VTI1A: variants seen among roughly 807,000 people sequenced by gnomAD.
VTI1A encodes the protein vesicle transport through interaction with t-SNAREs 1A.
In VTI1A, 22 loss-of-function variants were observed where a neutral mutation model predicts 34.9. The ratio of observed to expected loss-of-function variants is 0.63; its 90% CI spans 0.45 to 0.90. The LOEUF (loss-of-function observed/expected upper bound fraction) is 0.90. VTI1A is among the 40% of genes least tolerant of loss of function. The probability of loss-of-function intolerance (pLI) is 0.00; values close to 1 mark genes in which losing one functional copy is unlikely to be tolerated. For missense variants in VTI1A, 268 were observed against 275.6 expected (o/e 0.97, Z 0.20); for synonymous variants, 87 against 97.3 (o/e 0.89, Z 0.62).
Position 112,454,679 on chromosome 10 carries a change from G to C in VTI1A, c.95-5845G>C, listed in dbSNP as rs1302626247. On this transcript the variant is annotated intron_variant, in intron 1 of 7. Transcript: ENST00000393077. ...ATACATACTATGCTAAGACTTATGT[G>C]TATGTACATCAGCACTTATCAAGCT... 2.0e-5 allele frequency among the ~76,000 whole-genome samples: 3 copies of C among 149,020 alleles called. No homozygotes were observed. In the Admixed American group the frequency reaches 2.0e-4, roughly 10 times the overall value.
intron 7 of VTI1A, chr10:112,752,460 A>G (rs537264751): frequency 2.0e-6 from 2 of 985,366 alleles, no homozygotes; most frequent in East Asian, 1.1e-4. Flanking sequence ...TAGCTTGGAG[A>G]TTTCACCCAC....
At chr10:112,694,409 G>A (rs1186169129) in intron 7 of VTI1A, among the ~76,000 whole-genome samples, 1 of 151,860 alleles carries the variant, frequency 6.6e-6, no homozygotes, top group Admixed American at 6.6e-5. Flanking sequence ...TGGATGGACG[G>A]ACGGACAGAC....
intron 7 of VTI1A, among the ~76,000 whole-genome samples, chr10:112,789,826 A>G (rs1590186420): frequency 6.6e-6 from 1 of 151,962 alleles, no homozygotes. Flanking sequence ...ATTTTCTTCA[A>G]TTCTTTGAAC....
At chr10:112,587,838 C>G (rs989481615) in intron 5 of VTI1A, among the ~76,000 whole-genome samples, 2 of 152,040 alleles carry the variant, frequency 1.3e-5, no homozygotes, top group African/African-American at 2.4e-5. Context: ...CTCCCTCCCT[C>G]CAAATTCCTG....
At chr10:112,791,115 C>G (rs1313320932) in intron 7 of VTI1A, among the ~76,000 whole-genome samples, 1 of 152,216 alleles carries the variant, frequency 6.6e-6, no homozygotes, top group Non-Finnish European at 1.5e-5. Flanking sequence ...CCAGGCAGCT[C>G]TTGGCCCATT....
intron 5 of VTI1A, among the ~76,000 whole-genome samples, chr10:112,652,352 T>C (rs1325615085): frequency 1.3e-5 from 2 of 152,158 alleles, no homozygotes; most frequent in East Asian, 3.9e-4. Context: ...TCAGTGAGTA[T>C]GCAGTTGCTG....
intron 7 of VTI1A, among the ~76,000 whole-genome samples, chr10:112,739,404 A>G (rs767535930): frequency 2.6e-5 from 4 of 152,152 alleles, no homozygotes; most frequent in Non-Finnish European, 5.9e-5. Flanking sequence ...TGCATGTCCC[A>G]CATGCTAATG....
intron 4 of VTI1A, among the ~76,000 whole-genome samples, chr10:112,530,580 T>G (rs1441093889): frequency 2.0e-5 from 3 of 152,174 alleles, no homozygotes. Flanking sequence ...TCAGTGACTT[T>G]TAATAAATCC....
intron 7 of VTI1A, among the ~76,000 whole-genome samples, chr10:112,785,139 C>T (rs1023754465): frequency 2.0e-5 from 3 of 152,240 alleles, no homozygotes; most frequent in Non-Finnish European, 2.9e-5. Context: ...TTTTCCCACA[C>T]ATGCCAGTGG....
the VTI1A span, among the ~76,000 whole-genome samples, chr10:112,844,979 G>A: frequency 6.6e-6 from 1 of 152,192 alleles, no homozygotes; most frequent in South Asian, 2.1e-4. Flanking sequence ...GAACCCTTCT[G>A]TTCCTCTTCC....
chr10:112,699,893 G>A (rs574302042), intron 7 of VTI1A, among the ~76,000 whole-genome samples: 57 of 151,984 alleles, frequency 3.8e-4, no homozygotes, highest in African/African-American at 1.2e-3. Context: ...GGCCAAGGCG[G>A]GTGGATCACG....
At chr10:112,669,115 G>A in intron 7 of VTI1A, 117 bp downstream of exon 7, 7 of 1,115,306 alleles carry the variant, frequency 6.3e-6, no homozygotes, top group Non-Finnish European at 9.1e-6. Context: ...TTAGTACCCT[G>A]TGCAGGACCC....
intron 7 of VTI1A, among the ~76,000 whole-genome samples, chr10:112,744,797 G>T (rs1850834717): frequency 6.6e-6 from 1 of 152,094 alleles, no homozygotes; most frequent in Admixed American, 6.5e-5. Flanking sequence ...ATCCCTCCCT[G>T]TCGGAGCTCT....
intron 5 of VTI1A, among the ~76,000 whole-genome samples, chr10:112,594,341 G>T (rs1221986606): frequency 6.6e-6 from 1 of 152,098 alleles, no homozygotes; most frequent in South Asian, 2.1e-4. Context: ...GAAATAAAGG[G>T]TATTCAATTA....
intron 5 of VTI1A, among the ~76,000 whole-genome samples, chr10:112,593,590 A>G (rs1234787180): frequency 6.6e-6 from 1 of 152,210 alleles, no homozygotes; most frequent in Non-Finnish European, 1.5e-5. Flanking sequence ...ATAGAAAAGC[A>G]CACAGAAAAA....
At chr10:112,756,923 G>T (rs1194795413) in intron 7 of VTI1A, among the ~76,000 whole-genome samples, 1 of 151,976 alleles carries the variant, frequency 6.6e-6, no homozygotes, top group African/African-American at 2.4e-5. Flanking sequence ...TGGTGTGCCT[G>T]TAGTCCCAGC....
chr10:112,624,436 A>G (rs1483005999), intron 5 of VTI1A, among the ~76,000 whole-genome samples: 6 of 152,152 alleles, frequency 3.9e-5, no homozygotes, highest in Non-Finnish European at 8.8e-5. Flanking sequence ...TTTTTAATAT[A>G]CATTTTCATT....
At chr10:112,839,481 G>A in the VTI1A span, among the ~76,000 whole-genome samples, 2 of 151,790 alleles carry the variant, frequency 1.3e-5, no homozygotes, top group Admixed American at 6.6e-5. Flanking sequence ...GGAGCAGCCC[G>A]GGAAGGTCTG....
chr10:112,830,280 G>A, the VTI1A span, among the ~76,000 whole-genome samples: 6 of 151,758 alleles, frequency 4.0e-5, no homozygotes, highest in Non-Finnish European at 5.9e-5. Context: ...ATGACCTGAC[G>A]CCTACCCCTG....
Sources: allele counts gnomAD v4.1 joint callset (sites outside exome capture counted in the v4.1 genomes callset), GRCh38; gene constraint gnomAD v4.1.1; transcripts MANE v1.5; gene names NCBI Gene and HGNC (gene_info 2026-07-23, HGNC 2026-07-21).